RBM15: variants seen among roughly 807,000 people sequenced by gnomAD.
The protein encoded by RBM15 is RNA binding motif protein 15, also known as RNA-binding protein 15.
A neutral mutation model predicts 62.6 loss-of-function variants in RBM15; 8 were observed. The ratio of observed to expected loss-of-function variants is 0.13; its 90% CI spans 0.07 to 0.23. The LOEUF is 0.23. Among genes scored for constraint, RBM15 ranks in the 10% least tolerant of loss-of-function variants. The pLI is 1.00. For missense variants in RBM15, 1,144 were observed against 1,286.5 expected, an observed-to-expected ratio of 0.89 and a Z score of 1.69; for synonymous variants, 606 against 505.7, an observed-to-expected ratio of 1.20 and a Z score of -2.66.
chr1:110,340,418 G>A lies in RBM15; in HGVS notation c.1013G>A (p.Arg338Lys), dbSNP rs753724080. 6 of 1,614,234 alleles carry A rather than the reference G, an allele frequency of 3.7e-6. No homozygotes were observed. Among genetic ancestry groups the A allele is most frequent in the African/African-American group, 1.3e-5 (1 of 75,064 alleles). The change falls in exon 1 of 3, where the codon AGA (arginine) becomes AAA (lysine). Residue 338 changes from arginine to lysine, a missense_variant. Arg to Lys is a conservative substitution (Grantham distance 26). Transcript: ENST00000369784. The surrounding 1 kb of genome is among the most constrained non-coding windows in gnomAD (Gnocchi z 5.8). ...ERERDYPFYE[R>K]VRPAYSLEPR... ...GAAAGAGACTACCCGTTCTATGAGAGAGTGCGCCCTGCATACAGTCTTGAG... is the reference window on the plus strand; with the variant it reads ...GAAAGAGACTACCCGTTCTATGAGAAAGTGCGCCCTGCATACAGTCTTGAG...
chr1:110,344,817 T>C (rs1327198487), intron 1 of RBM15, among the ~76,000 whole-genome samples: 2 of 152,184 alleles, frequency 1.3e-5, no homozygotes, highest in Non-Finnish European at 2.9e-5. Flanking sequence ...ATCTTTCTTC[T>C]TTAATTATTT....
At position 110,340,136 on chromosome 1, in the gene RBM15, C is replaced by T. The variant is rs1278001124; in HGVS notation, c.731C>T (p.Pro244Leu). 1.2e-6 allele frequency: 2 copies of T among 1,613,878 alleles called. No individual in the cohort carries two copies. The highest frequency in any genetic ancestry group is 1.1e-5 in the South Asian group (1 of 91,084). The change falls in exon 1 of 3, where the codon CCT becomes CTT. Residue 244 changes from proline (P) to leucine (L), a missense_variant. Around this residue, in one of 8 missense-constraint regions of RBM15, gnomAD observed 188 missense variants for 185.6 expected, o/e 1.01. Transcript: ENST00000369784. This position sits in a 1 kb window ranked among gnomAD's most constrained non-coding sequence, Gnocchi z 5.8. ...ARGRLVLYDR[P>L]LKIEAVYVSR... is the part of the protein sequence containing the mutation. ...GGCCGCCTGGTGCTCTATGACCGGC[C>T]TCTGAAGATAGAAGCTGTGTATGTG...
At position 110,339,480 on chromosome 1, in the gene RBM15, G is replaced by C. The variant is rs754063032; in HGVS notation, c.75G>C (p.Thr25=). ...GGCGTGCGGTTCCGCTGTGTGAAAC[G>C]AGCGCGGGGCGGCGGGTTACTCAGC... The part of the protein sequence containing the change: ...RWRRAVPLCE[T]SAGRRVTQLR... Residue 25 remains threonine, a synonymous_variant, in exon 1 of 3, where the codon ACG becomes ACC. Transcript: ENST00000369784. 1.6e-5 allele frequency: 25 copies of C among 1,571,784 alleles called. No homozygotes were observed. The East Asian group carries it at 4.3e-4, about 27-fold the overall frequency.
chr1:110,339,996 C>T lies in RBM15; in HGVS notation c.591C>T (p.Phe197=), dbSNP rs1220213654. The T allele has an allele frequency of 1.9e-5, 30 of 1,614,010 alleles. No homozygotes were observed. The highest frequency in any genetic ancestry group is 2.0e-5 in the Non-Finnish European group (24 of 1,180,036). Reference sequence around the variant, plus strand: ...GCCTGTTTCATGAGTTCAAACGCTTCGGTGATGTAAGTGTGAAAATCAGTC... The same window carrying T: ...GCCTGTTTCATGAGTTCAAACGCTTTGGTGATGTAAGTGTGAAAATCAGTC... The part of the protein sequence containing the change: ...EDGLFHEFKR[F]GDVSVKISHL... The change falls in exon 1 of 3, where the codon TTC becomes TTT. Residue 197 remains phenylalanine, a synonymous_variant. Coordinates refer to ENST00000369784, the MANE Select transcript of RBM15 (RefSeq NM_022768.5).
intron 1 of RBM15, 175 bp downstream of exon 1, chr1:110,342,443 T>A (rs1660819022): frequency 2.0e-6 from 1 of 496,740 alleles, no homozygotes; most frequent in East Asian, 3.3e-5. Flanking sequence ...ACAGTTTAGC[T>A]ATTTTTTTGT....
chr1:110,345,694 A>G (rs916873624), intron 2 of RBM15, 45 bp downstream of exon 2: 1 of 1,208,366 alleles, frequency 8.3e-7, no homozygotes, highest in Admixed American at 2.4e-5. Context: ...TTTTATATGT[A>G]TGGTTTAAAC....
At chr1:110,346,224 C>T in intron 2 of RBM15, 84 bp from the exon 3 acceptor site, 1 of 1,398,270 alleles carries the variant, frequency 7.2e-7, no homozygotes, top group Non-Finnish European at 9.9e-7. Context: ...TTATGTTCAT[C>T]TATAATGGCA....
rs764506810 is a variant in RBM15, at chr1:110,340,288, C to G, written c.883C>G (p.Pro295Ala). The G allele has an allele frequency of 6.2e-7, 1 of 1,614,226 alleles. No homozygotes were observed. The highest frequency in any genetic ancestry group is 8.5e-7 in the Non-Finnish European group (1 of 1,180,034). The change falls in exon 1 of 3, where the codon CCT becomes GCT. Residue 295 changes from proline (P) to alanine (A), a missense_variant. By Grantham distance (27) the Pro-to-Ala change is conservative (BLOSUM62 -1). Around this residue, in one of 8 missense-constraint regions of RBM15, gnomAD observed 188 missense variants for 185.6 expected, o/e 1.01. Coordinates refer to ENST00000369784, the MANE Select transcript of RBM15 (RefSeq NM_022768.5). The surrounding 1 kb of genome is among the most constrained non-coding windows in gnomAD (Gnocchi z 5.8). ...GGGGGQRSLSPGGAALGYRDY... is the reference protein window; with the variant it reads ...GGGGGQRSLSAGGAALGYRDY... ...TGGTGGAGGCCAGAGATCACTTTCC[C>G]CTGGTGGCGCTGCTTTGGGATACAG... is the stretch of plus-strand genomic sequence containing the variant.
Position 110,341,646 on chromosome 1 carries a change from C to A in RBM15, c.2241C>A (p.Asp747Glu), listed in dbSNP as rs763122855. Residue 747 changes from aspartate to glutamate, a missense_variant, in exon 1 of 3, where the codon GAC (aspartate) becomes GAA (glutamate). Transcript: ENST00000369784. The surrounding 1 kb of genome is among the most constrained non-coding windows in gnomAD (Gnocchi z 4.5). ...TEGKSPLKKE[D>E]RSDGSAPSTS... is the part of the protein sequence containing the mutation. Reference sequence around the variant, plus strand: ...GAAAAAGCCCTCTGAAAAAAGAAGACCGCTCTGATGGGAGTGCACCTAGCA... The same window carrying A: ...GAAAAAGCCCTCTGAAAAAAGAAGAACGCTCTGATGGGAGTGCACCTAGCA... 1 of 1,614,146 alleles carries A rather than the reference C, an allele frequency of 6.2e-7. No individual in the cohort carries two copies. The highest frequency in any genetic ancestry group is 8.5e-7 in the Non-Finnish European group (1 of 1,180,030).
intron 2 of RBM15, 89 bp from the exon 3 acceptor site, chr1:110,346,219 T>G: frequency 7.4e-7 from 1 of 1,350,746 alleles, no homozygotes; most frequent in South Asian, 1.2e-5. Flanking sequence ...TAATGTTATG[T>G]TCATCTATAA....
chr1:110,342,866 A>G (rs940805399), intron 1 of RBM15, among the ~76,000 whole-genome samples: 5 of 152,170 alleles, frequency 3.3e-5, no homozygotes, highest in Admixed American at 2.0e-4. Flanking sequence ...TTTAACATGC[A>G]TTTTTTAAAT....
chr1:110,342,244 T>C lies in RBM15; in HGVS notation c.2839T>C (p.Tyr947His). 1 of 1,597,506 alleles carries C rather than the reference T, an allele frequency of 6.3e-7. No homozygotes were observed. Among genetic ancestry groups the C allele is most frequent in the Non-Finnish European group, 8.5e-7 (1 of 1,171,122 alleles). The part of the protein sequence containing the change: ...AKALAKSEED[Y>H]LVMIIVRGFG... ...GGCACTGGCCAAATCTGAAGAAGAT[T>C]ACCTGGTCATGATCATTGTCCGTGG... The change falls in exon 1 of 3, where the codon TAC becomes CAC. Residue 947 changes from tyrosine to histidine, a missense_variant. Physicochemically the swap from Tyr to His is moderately conservative, Grantham distance 83. Coordinates refer to ENST00000369784, the MANE Select transcript of RBM15 (RefSeq NM_022768.5).
rs759319667 is a variant in RBM15, at chr1:110,345,598, A to G, written c.2923A>G (p.Thr975Ala). ...ENKKRENLAL[T>A]LL Reference sequence around the variant, plus strand: ...CAAGAAGAGAGAAAACTTGGCGCTGACCCTGTTATAGTGGTTATAGTGGTG... The same window carrying G: ...CAAGAAGAGAGAAAACTTGGCGCTGGCCCTGTTATAGTGGTTATAGTGGTG... Residue 975 changes from threonine to alanine, a missense_variant, in exon 2 of 3, where the codon ACC (threonine) becomes GCC (alanine). By Grantham distance (58) the Thr-to-Ala change is moderately conservative. This residue lies in a region of RBM15 where 144 missense variants were observed against 223.3 expected (regional missense o/e 0.64). Coordinates refer to ENST00000369784, the MANE Select transcript of RBM15 (RefSeq NM_022768.5). The G allele has an allele frequency of 6.2e-7, 1 of 1,612,074 alleles. No homozygotes were observed. The highest frequency in any genetic ancestry group is 1.1e-5 in the South Asian group (1 of 90,692).
Position 110,345,588 on chromosome 1 carries a change from C to T in RBM15, c.2913C>T (p.Asn971=). The change falls in exon 2 of 3, where the codon AAC becomes AAT. Residue 971 remains asparagine, a synonymous_variant. Coordinates refer to ENST00000369784, the MANE Select transcript of RBM15 (RefSeq NM_022768.5). ...GVRYENKKRE[N]LALTLL is the part of the protein sequence containing the mutation. ...GGTATGAGAACAAGAAGAGAGAAAA[C>T]TTGGCGCTGACCCTGTTATAGTGGT... The T allele has an allele frequency of 6.2e-7, 1 of 1,611,902 alleles. No homozygotes were observed. The highest frequency in any genetic ancestry group is 8.5e-7 in the Non-Finnish European group (1 of 1,179,042).
chr1:110,340,444 C>T lies in RBM15; in HGVS notation c.1039C>T (p.Pro347Ser), dbSNP rs1434492404. The change falls in exon 1 of 3, where the codon CCA (proline) becomes TCA (serine). Residue 347 changes from proline to serine, a missense_variant. Coordinates refer to ENST00000369784, the MANE Select transcript of RBM15 (RefSeq NM_022768.5). The surrounding 1 kb of genome is among the most constrained non-coding windows in gnomAD (Gnocchi z 5.8). ...ERVRPAYSLE[P>S]RVGAGAGAAP... ...AGTGCGCCCTGCATACAGTCTTGAGCCAAGGGTGGGAGCTGGAGCAGGTGC... is the reference window on the plus strand; with the variant it reads ...AGTGCGCCCTGCATACAGTCTTGAGTCAAGGGTGGGAGCTGGAGCAGGTGC... The T allele has an allele frequency of 1.2e-6, 2 of 1,614,144 alleles. No individual in the cohort carries two copies. The highest frequency in any genetic ancestry group is 1.7e-6 in the Non-Finnish European group (2 of 1,180,022).
In RBM15 at chr1:110,339,702, C is replaced by T; in HGVS notation, c.297C>T (p.His99=). ...DSGGGSRRSL[H]LDKSSSRGGS... ...GCGGTGGGTCGCGGCGGAGTCTCCA[C>T]CTGGACAAGTCCAGCAGTCGAGGTG... The change falls in exon 1 of 3, where the codon CAC becomes CAT. Residue 99 remains histidine, a synonymous_variant. Transcript: ENST00000369784. 6.2e-7 allele frequency: 1 copy of T among 1,612,976 alleles called. No homozygotes were observed. Among genetic ancestry groups the T allele is most frequent in the Non-Finnish European group, 8.5e-7 (1 of 1,179,902 alleles).
chr1:110,343,532 A>G (rs1660843197), intron 1 of RBM15, among the ~76,000 whole-genome samples: 1 of 103,030 alleles, frequency 9.7e-6, no homozygotes, highest in Non-Finnish European at 2.1e-5. Context: ...TTTTTTTTCA[A>G]AGGTGAGATG....
chr1:110,342,249 G>A lies in RBM15; in HGVS notation c.2844G>A (p.Leu948=). ...KALAKSEEDY[L]VMIIVRGFGF... ...TGGCCAAATCTGAAGAAGATTACCT[G>A]GTCATGATCATTGTCCGTGGTGCGT... The change falls in exon 1 of 3, where the codon CTG becomes CTA. Residue 948 remains leucine, a synonymous_variant. Transcript: ENST00000369784. 1 of 1,588,456 alleles carries A rather than the reference G, an allele frequency of 6.3e-7. No individual in the cohort carries two copies. The highest frequency in any genetic ancestry group is 1.1e-5 in the South Asian group (1 of 88,088).
chr1:110,344,939 A>G (rs11808720), intron 1 of RBM15, among the ~76,000 whole-genome samples: 5,155 of 152,328 alleles, frequency 0.034, 108 homozygotes, highest in Non-Finnish European at 0.055. Flanking sequence ...TAAGACTTTT[A>G]GATCACAGCT....
Sources: gnomAD v4.1 joint callset for allele counts (sites outside exome capture counted in the v4.1 genomes callset) on GRCh38, gnomAD v4.1.1 for gene constraint, gnomAD v4.1.1 regional missense constraint, Gnocchi (gnomAD v3.1) non-coding constraint, MANE v1.5 for transcripts, NCBI Gene and HGNC (gene_info 2026-07-23, HGNC 2026-07-21) for gene names.